Variants in NBAS observed in about 807,000 individuals in gnomAD.
NBAS encodes NBAS subunit of NRZ tethering complex, also known as NAG/BC035112 fusion.
A neutral mutation model predicts 302.5 loss-of-function variants in NBAS; 219 were observed. The observed-to-expected ratio is 0.72, with a 90% CI of 0.65 to 0.81. NBAS has a LOEUF of 0.81. NBAS is among the 30% of genes least tolerant of loss of function. The probability of loss-of-function intolerance (pLI) is 0.00; values close to 1 mark genes in which losing one functional copy is unlikely to be tolerated. For missense variants in NBAS, 2,932 were observed against 2,841.6 expected, an observed-to-expected ratio of 1.03 and a Z score of -0.72; for synonymous variants, 1,118 against 1,021.6, an observed-to-expected ratio of 1.09 and a Z score of -1.80.
the NBAS span, among the ~76,000 whole-genome samples, chr2:14,788,508 G>A: frequency 6.6e-6 from 1 of 152,084 alleles, no homozygotes; most frequent in Non-Finnish European, 1.5e-5. Flanking sequence ...TGGTGTGGAT[G>A]TCCTTTCTGT....
the NBAS span, among the ~76,000 whole-genome samples, chr2:14,819,032 C>T: frequency 6.6e-6 from 1 of 152,226 alleles, no homozygotes; most frequent in Non-Finnish European, 1.5e-5. Context: ...CCCTGTGCCA[C>T]TCCTGTAGGC....
intron 38 of NBAS, among the ~76,000 whole-genome samples, chr2:15,317,197 C>T (rs967480836): frequency 1.3e-5 from 2 of 152,158 alleles, no homozygotes; most frequent in South Asian, 4.1e-4. Flanking sequence ...AAAGGAATCG[C>T]ATCAACATCA....
chr2:15,109,691 C>T, the NBAS span, among the ~76,000 whole-genome samples: 8 of 152,052 alleles, frequency 5.3e-5, no homozygotes, highest in East Asian at 3.9e-4. Context: ...AGAAAGAAGA[C>T]AAGAGAGAGC....
the NBAS span, among the ~76,000 whole-genome samples, chr2:15,024,288 CAA>C: frequency 0.77 from 116,168 of 150,402 alleles, 44,934 homozygotes; most frequent in East Asian, 1. Context: ...AATGTTCCTG[CAA>C]AAAAAAAAAC....
intron 47 of NBAS, among the ~76,000 whole-genome samples, chr2:15,222,685 A>C (rs1666999320): frequency 6.6e-6 from 1 of 152,210 alleles, no homozygotes; most frequent in African/African-American, 2.4e-5. Context: ...TAAAAAAGAT[A>C]AAAATAACTT....
At chr2:15,018,081 A>T in the NBAS span, among the ~76,000 whole-genome samples, 1 of 151,930 alleles carries the variant, frequency 6.6e-6, no homozygotes, top group South Asian at 2.1e-4. Flanking sequence ...GTAGAAACTT[A>T]AAAAAAGTGG....
At chr2:15,337,500 A>G (rs1672644807) in intron 35 of NBAS, among the ~76,000 whole-genome samples, 1 of 152,222 alleles carries the variant, frequency 6.6e-6, no homozygotes, top group Non-Finnish European at 1.5e-5. Flanking sequence ...AGAAAAATGT[A>G]GGCCACAAAA....
At chr2:15,140,160 A>G in the NBAS span, among the ~76,000 whole-genome samples, 2 of 152,200 alleles carry the variant, frequency 1.3e-5, no homozygotes, top group South Asian at 2.1e-4. Flanking sequence ...GCCCTGACCA[A>G]TAGTCCTCAC....
the NBAS span, among the ~76,000 whole-genome samples, chr2:15,014,783 A>C: frequency 6.6e-6 from 1 of 152,068 alleles, no homozygotes; most frequent in Non-Finnish European, 1.5e-5. Context: ...GGAAAGAGAT[A>C]ATAAAGGTCA....
chr2:15,289,092 T>C (rs1308737067), intron 41 of NBAS, among the ~76,000 whole-genome samples: 1 of 152,212 alleles, frequency 6.6e-6, no homozygotes, highest in Non-Finnish European at 1.5e-5. Context: ...TTTTTTATTT[T>C]TTGCGACAGG....
the NBAS span, among the ~76,000 whole-genome samples, chr2:14,916,459 T>C: frequency 1.3e-5 from 2 of 152,198 alleles, no homozygotes; most frequent in Admixed American, 6.5e-5. Flanking sequence ...TTTTTTATTT[T>C]CCTTAAAAAA....
chr2:15,280,002 T>C (rs1669754014), intron 42 of NBAS, among the ~76,000 whole-genome samples: 1 of 152,148 alleles, frequency 6.6e-6, no homozygotes, highest in Admixed American at 6.5e-5. Flanking sequence ...CCTTCAAACC[T>C]GTTTAAGTGA....
At chr2:15,455,549 A>C (rs1436175985) in intron 21 of NBAS, among the ~76,000 whole-genome samples, 1 of 152,062 alleles carries the variant, frequency 6.6e-6, no homozygotes, top group Non-Finnish European at 1.5e-5. Flanking sequence ...ACATAAGACC[A>C]AGGCTTCAGC....
chr2:15,498,467 G>A (rs1173041881), intron 11 of NBAS, among the ~76,000 whole-genome samples: 1 of 152,284 alleles, frequency 6.6e-6, no homozygotes, highest in East Asian at 1.9e-4. Flanking sequence ...AAAAAGGAAC[G>A]CTTACACACT....
the NBAS span, among the ~76,000 whole-genome samples, chr2:14,998,850 T>C: frequency 6.6e-4 from 100 of 152,268 alleles, no homozygotes; most frequent in Non-Finnish European, 1.0e-3. Context: ...AAGAAAAAGG[T>C]CTCCTGATGA....
intron 38 of NBAS, among the ~76,000 whole-genome samples, chr2:15,314,328 T>G (rs1419868384): frequency 1.3e-5 from 2 of 152,108 alleles, no homozygotes; most frequent in Non-Finnish European, 2.9e-5. Context: ...ACCGCTGCAC[T>G]CCAGCCTGGG....
the NBAS span, among the ~76,000 whole-genome samples, chr2:15,020,096 T>C: frequency 6.6e-6 from 1 of 152,176 alleles, no homozygotes; most frequent in Non-Finnish European, 1.5e-5. Flanking sequence ...AACTCCATTC[T>C]GTTTAACTCC....
chr2:15,276,233 G>A (rs1301395525), intron 43 of NBAS, among the ~76,000 whole-genome samples: 1 of 152,158 alleles, frequency 6.6e-6, no homozygotes, highest in East Asian at 1.9e-4. Flanking sequence ...TATCCTCTGT[G>A]TCTAGGCCAG....
chr2:15,471,803 T>C (rs1679968072), intron 16 of NBAS, among the ~76,000 whole-genome samples: 1 of 152,128 alleles, frequency 6.6e-6, no homozygotes, highest in African/African-American at 2.4e-5. Flanking sequence ...CTGTCTGCCA[T>C]ATAAGGACAC....
Sources: allele counts gnomAD v4.1 joint callset (sites outside exome capture counted in the v4.1 genomes callset), GRCh38; gene constraint gnomAD v4.1.1; transcripts MANE v1.5; gene names NCBI Gene and HGNC (gene_info 2026-07-23, HGNC 2026-07-21).